VPS54: variants seen among roughly 807,000 people sequenced by gnomAD.
The protein encoded by VPS54 is VPS54 subunit of GARP complex.
VPS54 carries 45 observed loss-of-function variants against 121.5 expected under a neutral mutation model. The ratio of observed to expected loss-of-function variants is 0.37; its 90% CI spans 0.29 to 0.47. VPS54 has a LOEUF of 0.47. Among genes scored for constraint, VPS54 ranks in the 20% least tolerant of loss-of-function variants. The pLI, the probability that VPS54 is intolerant of heterozygous loss-of-function variation, is 0.99. For missense variants in VPS54, 1,090 were observed against 1,131.4 expected, an observed-to-expected ratio of 0.96 and a Z score of 0.52; for synonymous variants, 371 against 385.8, an observed-to-expected ratio of 0.96 and a Z score of 0.45.
intron 3 of VPS54, chr2:63,975,128 C>T (rs1319203041): frequency 6.2e-6 from 7 of 1,126,976 alleles, no homozygotes; most frequent in Non-Finnish European, 2.5e-6. Context: ...TCACTGCAAC[C>T]TCCACCTCCT....
intron 1 of VPS54, among the ~76,000 whole-genome samples, chr2:64,005,089 CTTTTTTTTTTTTTTTTTTTTTTTTTTTTT>C (rs764515091): frequency 4.5e-5 from 2 of 44,104 alleles, no homozygotes; most frequent in Non-Finnish European, 7.9e-5. Context: ...ACTATTGCTT[CTTTTTTTTTTTTTTTTTTTTTTTTTTTTT>C]TTTGAGACGG....
chr2:63,995,532 G>A (rs1576004278), intron 1 of VPS54, among the ~76,000 whole-genome samples: 2 of 152,200 alleles, frequency 1.3e-5, no homozygotes, highest in Admixed American at 1.3e-4. Flanking sequence ...CACTGCAATG[G>A]CCACCACTGC....
intron 3 of VPS54, among the ~76,000 whole-genome samples, chr2:63,972,895 GGAAA>G (rs904354024): frequency 6.6e-6 from 1 of 150,686 alleles, no homozygotes; most frequent in African/African-American, 2.4e-5. Context: ...AAGAAAAAAA[GGAAA>G]GAAAGATAGA....
chr2:63,949,177 G>C lies in VPS54; in HGVS notation c.1011-14C>G. 6.3e-7 allele frequency: 1 copy of C among 1,597,836 alleles called. No individual in the cohort carries two copies. Among genetic ancestry groups the C allele is most frequent in the Non-Finnish European group, 8.5e-7 (1 of 1,176,234 alleles). The stretch of plus-strand genomic sequence containing the variant: ...GATCCCAAATGCCTAAAAAGGAAGA[G>C]AAAAATGTTATATTTATATTCACTA... On this transcript the variant is annotated splice_polypyrimidine_tract_variant and intron_variant, in intron 7 of 22. Coordinates refer to ENST00000272322, the MANE Select transcript of VPS54 (RefSeq NM_016516.3).
chr2:63,893,300 C>A lies in VPS54; in HGVS notation c.*130G>T, dbSNP rs188413774. 132 of 835,878 alleles carry A rather than the reference C, an allele frequency of 1.6e-4. No individual in the cohort carries two copies. In the East Asian group the frequency reaches 1.6e-3, roughly 10 times the overall value. 51.8% of individuals were successfully genotyped at this position (835,878 alleles called of 1,614,324 possible). A position where few individuals can be genotyped will look rare whatever the true frequency, so the allele number is the denominator to read the frequency against. On this transcript the variant is annotated 3_prime_UTR_variant, in exon 23 of 23. Transcript: ENST00000272322. ...CCAGTTTCCCAACACTTGATACTTTCCTTTTTCCCTTCCCCCACCCCAGTT... is the reference window on the plus strand; with the variant it reads ...CCAGTTTCCCAACACTTGATACTTTACTTTTTCCCTTCCCCCACCCCAGTT...
At chr2:63,967,539 C>G (rs1259785739) in intron 5 of VPS54, among the ~76,000 whole-genome samples, 1 of 151,486 alleles carries the variant, frequency 6.6e-6, no homozygotes, top group Middle Eastern at 3.2e-3. Flanking sequence ...GCCAACGTGG[C>G]AAAACCCCGT....
chr2:63,912,828 A>G (rs931758132), intron 18 of VPS54, among the ~76,000 whole-genome samples, 167 bp from the exon 19 acceptor site: 10 of 152,220 alleles, frequency 6.6e-5, no homozygotes, highest in Admixed American at 4.6e-4. Context: ...ATTTTGTCTA[A>G]TAATTTGATA....
intron 7 of VPS54, 88 bp from the exon 8 acceptor site, chr2:63,949,251 T>C (rs1363422778): frequency 1.5e-6 from 2 of 1,371,336 alleles, no homozygotes; most frequent in Non-Finnish European, 2.0e-6. Context: ...GGTAAAACTT[T>C]TTCAGTTGAC....
chr2:64,017,336 CAA>C (rs34819872), intron 1 of VPS54, among the ~76,000 whole-genome samples: 6 of 96,832 alleles, frequency 6.2e-5, no homozygotes, highest in Non-Finnish European at 2.1e-5. Context: ...GACCCCGTCT[CAA>C]AAAAAAAAAA....
chr2:63,992,657 G>A (rs1030810320), intron 1 of VPS54, among the ~76,000 whole-genome samples: 6 of 152,190 alleles, frequency 3.9e-5, no homozygotes, highest in African/African-American at 1.4e-4. Flanking sequence ...TTTCCCGCTG[G>A]AATTCTCCTG....
chr2:64,005,937 T>C (rs1678122901), intron 1 of VPS54, among the ~76,000 whole-genome samples: 1 of 152,118 alleles, frequency 6.6e-6, no homozygotes, highest in Non-Finnish European at 1.5e-5. Context: ...GATAGTAAGG[T>C]TTAAACCACC....
chr2:64,015,231 G>A (rs1320468854), intron 1 of VPS54, among the ~76,000 whole-genome samples: 2 of 152,080 alleles, frequency 1.3e-5, no homozygotes, highest in East Asian at 1.9e-4. Context: ...CAAATTTGCA[G>A]TAAATTAAGT....
chr2:63,913,712 T>G, intron 17 of VPS54: 1 of 391,532 alleles, frequency 2.6e-6, no homozygotes, highest in Non-Finnish European at 3.6e-6. Context: ...AATAAAGCAT[T>G]TCCTCCGTAC....
intron 21 of VPS54, 94 bp from the exon 22 acceptor site, chr2:63,897,684 C>G: frequency 5.4e-6 from 4 of 738,174 alleles, no homozygotes; most frequent in Non-Finnish European, 8.3e-6. Context: ...TTTTTAAAAA[C>G]CAAAACCTTT....
intron 1 of VPS54, among the ~76,000 whole-genome samples, chr2:63,993,492 C>T (rs753680221): frequency 1.2e-4 from 18 of 152,182 alleles, no homozygotes; most frequent in South Asian, 8.3e-4. Flanking sequence ...AATGATTTAG[C>T]GGAGTGGTGT....
Position 63,923,949 on chromosome 2 carries a change from C to T in VPS54, c.1740-2614G>A, listed in dbSNP as rs180868009. Reference sequence around the variant, plus strand: ...TATGAAAGAACTAGTTAGACTCACACATATAAGTATACTCAATTCATTGCC... The same window carrying T: ...TATGAAAGAACTAGTTAGACTCACATATATAAGTATACTCAATTCATTGCC... On this transcript the variant is annotated intron_variant, in intron 12 of 22. Coordinates refer to ENST00000272322, the MANE Select transcript of VPS54 (RefSeq NM_016516.3). Among the ~76,000 whole-genome samples, 11 of 152,310 alleles carry T rather than the reference C, an allele frequency of 7.2e-5. No individual in the cohort carries two copies. In the East Asian group the frequency reaches 2.1e-3, roughly 29 times the overall value.
intron 12 of VPS54, among the ~76,000 whole-genome samples, chr2:63,927,645 C>T (rs1294735672): frequency 6.6e-6 from 1 of 152,192 alleles, no homozygotes; most frequent in Non-Finnish European, 1.5e-5. Context: ...GGGAACAAAA[C>T]TGGACGGAGA....
At chr2:63,903,980 G>C (rs62136391) in intron 20 of VPS54, among the ~76,000 whole-genome samples, 7,432 of 152,116 alleles carry the variant, frequency 0.049, 313 homozygotes, top group African/African-American at 0.11. Context: ...GCAAGATCCA[G>C]CTTCATTCTG....
intron 5 of VPS54, among the ~76,000 whole-genome samples, chr2:63,967,672 T>C (rs1676064182): frequency 7.4e-6 from 1 of 134,500 alleles, no homozygotes; most frequent in African/African-American, 2.9e-5. Context: ...TGAGCCAAGA[T>C]TGTGCCACTG....
Sources: gnomAD v4.1 joint callset for allele counts (sites outside exome capture counted in the v4.1 genomes callset) on GRCh38, gnomAD v4.1.1 for gene constraint, MANE v1.5 for transcripts, NCBI Gene and HGNC (gene_info 2026-07-23, HGNC 2026-07-21) for gene names.